The following RGS3 variants were observed in gnomAD, a reference collection of about 807,000 sequenced individuals.
RGS3 encodes the protein regulator of G protein signaling 3.
A neutral mutation model predicts 132.6 loss-of-function variants in RGS3; 80 were observed. The observed-to-expected ratio is 0.60, with a 90% CI of 0.50 to 0.73. The LOEUF (loss-of-function observed/expected upper bound fraction) is 0.73. Ranked by LOEUF, RGS3 falls within the 30% of genes least tolerant of loss-of-function variation. RGS3 has a pLI of 0.00. For missense variants in RGS3, 1,382 were observed against 1,530.8 expected (o/e 0.90, Z 1.62); for synonymous variants, 598 against 620.6 (o/e 0.96, Z 0.54).
At chr9:113,536,672 G>C in intron 18 of RGS3, 124 bp from the exon 17 acceptor site, 1 of 1,504,746 alleles carries the variant, frequency 6.6e-7, no homozygotes, top group Non-Finnish European at 8.9e-7. Flanking sequence ...TGCGGCTTTT[G>C]GCGGACACTC....
In RGS3 at chr9:113,507,201, T is replaced by C. The variant is rs773340424; in HGVS notation, c.1086-86T>C. 3 of 1,098,828 alleles carry C rather than the reference T, an allele frequency of 2.7e-6. No individual in the cohort carries two copies. Among genetic ancestry groups the C allele is most frequent in the Non-Finnish European group, 2.6e-6 (2 of 764,046 alleles). The allele number at this position is 1,098,828 out of a possible 1,614,324, so 68.1% of individuals were successfully genotyped here. ...TGGTGTCTGCCTCCTCTTCCCCCAT[T>C]ATCCTCTCTGCCCTGTGGGCCCTCA... On this transcript the variant is annotated intron_variant, in intron 12 of 24. Coordinates refer to ENST00000350696, the Ensembl canonical transcript of RGS3. This position sits in a 1 kb window ranked among gnomAD's most constrained non-coding sequence, Gnocchi z 5.0.
intron 19 of RGS3, chr9:113,583,187 T>C (rs1834909279): frequency 3.5e-6 from 2 of 570,214 alleles, no homozygotes; most frequent in Non-Finnish European, 6.0e-6. Flanking sequence ...AGGAGCTAGA[T>C]AGATAGTGGT....
chr9:113,573,819 C>G (rs10981831), intron 19 of RGS3, among the ~76,000 whole-genome samples: 13,114 of 152,136 alleles, frequency 0.086, 655 homozygotes, highest in Non-Finnish European at 0.097. Context: ...CTGCCTAGCA[C>G]AGAGCCAGGC....
chr9:113,511,548 A>T (rs1253709984), intron 14 of RGS3, among the ~76,000 whole-genome samples: 1 of 152,076 alleles, frequency 6.6e-6, no homozygotes, highest in Non-Finnish European at 1.5e-5. Flanking sequence ...ATGACCAGTC[A>T]CCCTACCATT....
chr9:113,472,479 G>A (rs1006957009), intron 3 of RGS3, among the ~76,000 whole-genome samples: 2 of 152,178 alleles, frequency 1.3e-5, no homozygotes, highest in South Asian at 2.1e-4. Context: ...CAATATGGGT[G>A]AACCTTGAAA....
At chr9:113,568,595 G>T (rs1233933187) in intron 19 of RGS3, among the ~76,000 whole-genome samples, 1 of 152,240 alleles carries the variant, frequency 6.6e-6, no homozygotes, top group Non-Finnish European at 1.5e-5. Flanking sequence ...GCAGCCCCCA[G>T]CCTGTTCCCC....
chr9:113,560,451 T>G (rs1042914970), intron 19 of RGS3, among the ~76,000 whole-genome samples: 47 of 152,156 alleles, frequency 3.1e-4, no homozygotes, highest in Non-Finnish European at 7.4e-5. Flanking sequence ...CCTGCCCAGG[T>G]GCTAGGGTCC....
rs769356722 is a variant in RGS3 at position 113,537,540 on chromosome 9, C to G, written c.2037+622C>G. The stretch of plus-strand genomic sequence containing the variant: ...AGGAGCTGGACCACACAGCCTTCCC[C>G]TTTGACACTCCGATGCCAGCCACAA... On this transcript the variant is annotated intron_variant, in intron 19 of 24. Transcript: ENST00000350696. This position sits in a 1 kb window ranked among gnomAD's most constrained non-coding sequence, Gnocchi z 4.3. Among the ~76,000 whole-genome samples, 2 of 152,170 alleles carry G rather than the reference C, an allele frequency of 1.3e-5. No individual in the cohort carries two copies. The highest frequency in any genetic ancestry group is 2.9e-5 in the Non-Finnish European group (2 of 68,026).
chr9:113,569,350 A>G (rs1834159045), intron 19 of RGS3, among the ~76,000 whole-genome samples: 4 of 152,110 alleles, frequency 2.6e-5, no homozygotes, highest in African/African-American at 7.2e-5. Context: ...TGGGGACCAC[A>G]TGGCTGGCAG....
chr9:113,584,133 C>T (rs200290264), exon 20 of RGS3: 131 of 1,614,220 alleles, frequency 8.1e-5, no homozygotes, highest in Non-Finnish European at 9.9e-5. Flanking sequence ...ATGACAACTA[C>T]GGAGAGCGCA....
At chr9:113,541,273 G>A (rs760691550) in intron 19 of RGS3, 12 of 1,588,782 alleles carry the variant, frequency 7.6e-6, no homozygotes, top group South Asian at 5.7e-5. Context: ...CAGGCAGCCC[G>A]GCCTGAGTAG....
intron 19 of RGS3, among the ~76,000 whole-genome samples, chr9:113,564,670 A>G (rs543777478): frequency 1.3e-4 from 20 of 152,196 alleles, no homozygotes; most frequent in African/African-American, 4.8e-4. Flanking sequence ...CTGTAACAGG[A>G]TGTTACAGTC....
At chr9:113,597,196 T>G in exon 25 of RGS3, 1 of 436,692 alleles carries the variant, frequency 2.3e-6, no homozygotes, top group South Asian at 3.5e-5. Context: ...CCCTGGCAGG[T>G]CAGGGGCCCT....
At chr9:113,515,826 C>T (rs993839133) in intron 15 of RGS3, among the ~76,000 whole-genome samples, 7 of 152,118 alleles carry the variant, frequency 4.6e-5, no homozygotes, top group African/African-American at 1.7e-4. Flanking sequence ...ACTAAATGCT[C>T]TGTGTTTTAC....
intron 15 of RGS3, among the ~76,000 whole-genome samples, chr9:113,516,729 C>T (rs1202733139): frequency 6.6e-6 from 1 of 152,072 alleles, no homozygotes; most frequent in Non-Finnish European, 1.5e-5. Flanking sequence ...CAGTCTCTCG[C>T]TGTGTCCCCC....
At chr9:113,517,230 G>C (rs752697382) in intron 15 of RGS3, 2 of 526,790 alleles carry the variant, frequency 3.8e-6, no homozygotes. Context: ...TGCAGTGGGG[G>C]GTGAGAGCTG....
chr9:113,524,148 G>A (rs1032511968), intron 17 of RGS3, among the ~76,000 whole-genome samples: 7 of 152,148 alleles, frequency 4.6e-5, no homozygotes, highest in African/African-American at 1.4e-4. Context: ...CCTGCTGGAG[G>A]GCATTAGGTT....
Position 113,491,096 on chromosome 9 carries a change from A to G in RGS3, c.690-4690A>G, listed in dbSNP as rs569839348. 2.0e-3 allele frequency among the ~76,000 whole-genome samples: 283 copies of G among 141,956 alleles called. 4 individuals carry two copies. The East Asian group carries it at 0.05, about 25-fold the overall frequency. The allele number at this position is 141,956 out of a possible 152,430, so 93.1% of individuals were successfully genotyped here. A position where few individuals can be genotyped will look rare whatever the true frequency, so the allele number is the denominator to read the frequency against. On this transcript the variant is annotated intron_variant, in intron 7 of 24. Coordinates refer to ENST00000350696, the Ensembl canonical transcript of RGS3. ...GGTATATATAATTATACATAACTTA[A>G]TTATAATTATATATGAGCATATAGA...
Position 113,463,992 on chromosome 9 carries a change from C to A in RGS3, c.415+1791C>A. On this transcript the variant is annotated intron_variant, in intron 3 of 24. Transcript: ENST00000350696. This position sits in a 1 kb window ranked among gnomAD's most constrained non-coding sequence, Gnocchi z 4.6. ...GGCTGGGAGCAGGTGCTCTTTCTAT[C>A]TAGGGGCACCTTCTCTGGCCCCTTT... is the stretch of plus-strand genomic sequence containing the variant. 1.8e-6 allele frequency: 2 copies of A among 1,087,908 alleles called. No individual in the cohort carries two copies. Among genetic ancestry groups the A allele is most frequent in the African/African-American group, 1.6e-5 (1 of 62,740 alleles). The allele number at this position is 1,087,908 out of a possible 1,614,324, so 67.4% of individuals were successfully genotyped here.
Sources: allele counts gnomAD v4.1 joint callset (sites outside exome capture counted in the v4.1 genomes callset), GRCh38; gene constraint gnomAD v4.1.1; non-coding constraint Gnocchi (gnomAD v3.1); transcripts MANE v1.5; gene names NCBI Gene and HGNC (gene_info 2026-07-23, HGNC 2026-07-21).